RPSA2: variants seen among roughly 807,000 people sequenced by gnomAD.
RPSA2 encodes small ribosomal subunit protein uS2B.
the RPSA2 span, among the ~76,000 whole-genome samples, chr19:23,858,416 A>G: frequency 2.6e-5 from 4 of 151,944 alleles, no homozygotes; most frequent in Non-Finnish European, 4.4e-5. Context: ...TAAATTGAAA[A>G]GAACAACTAG....
At chr19:23,829,869 T>G in the RPSA2 span, among the ~76,000 whole-genome samples, 1 of 152,204 alleles carries the variant, frequency 6.6e-6, no homozygotes, top group Non-Finnish European at 1.5e-5. Flanking sequence ...ACTAGGATAA[T>G]GCTAATAAAT....
chr19:23,838,574 C>T, the RPSA2 span, among the ~76,000 whole-genome samples: 1 of 151,952 alleles, frequency 6.6e-6, no homozygotes, highest in East Asian at 1.9e-4. Context: ...TTTAAATTAC[C>T]ATTTTAATCT....
At chr19:23,779,980 C>T in the RPSA2 span, among the ~76,000 whole-genome samples, 2 of 152,284 alleles carry the variant, frequency 1.3e-5, no homozygotes, top group African/African-American at 2.4e-5. Context: ...ATCCAGGTGA[C>T]GTCGCTCTCC....
the RPSA2 span, among the ~76,000 whole-genome samples, chr19:23,787,668 G>A: frequency 6.6e-6 from 1 of 152,082 alleles, no homozygotes; most frequent in Non-Finnish European, 1.5e-5. Flanking sequence ...AATCCCAAAG[G>A]TGATGTGACT....
At chr19:23,829,038 T>G in the RPSA2 span, among the ~76,000 whole-genome samples, 4 of 152,140 alleles carry the variant, frequency 2.6e-5, no homozygotes, top group Admixed American at 2.6e-4. Flanking sequence ...CTTTGGAGTT[T>G]CAATTTCAAG....
chr19:23,804,294 C>CCT, the RPSA2 span, among the ~76,000 whole-genome samples: 4 of 142,508 alleles, frequency 2.8e-5, no homozygotes, highest in African/African-American at 1.0e-4. Flanking sequence ...CCTCATTTTT[C>CCT]TTTTTCTTTT....
At chr19:23,758,754 A>G in the RPSA2 span, 1 of 1,614,120 alleles carries the variant, frequency 6.2e-7, no homozygotes, top group South Asian at 1.1e-5. Flanking sequence ...CACCATTTCT[A>G]GGTTTCCGGG....
chr19:23,802,458 C>T, the RPSA2 span, among the ~76,000 whole-genome samples: 1 of 152,216 alleles, frequency 6.6e-6, no homozygotes, highest in South Asian at 2.1e-4. Flanking sequence ...CCCAGGGTCA[C>T]TGGAAATGCT....
chr19:23,794,562 G>A, the RPSA2 span, among the ~76,000 whole-genome samples: 2 of 152,032 alleles, frequency 1.3e-5, no homozygotes. Context: ...ACTTGTTTAA[G>A]TTTGTTATAG....
chr19:23,827,678 T>G, the RPSA2 span: 1 of 1,595,468 alleles, frequency 6.3e-7, no homozygotes, highest in Non-Finnish European at 8.5e-7. Context: ...CTCAGTGGGT[T>G]TGATGTGGTG....
the RPSA2 span, among the ~76,000 whole-genome samples, chr19:23,860,271 A>G: frequency 1.3e-5 from 2 of 152,244 alleles, no homozygotes; most frequent in African/African-American, 4.8e-5. Context: ...CTCCCAAACT[A>G]TATTCTTTTC....
At chr19:23,796,526 A>C in the RPSA2 span, among the ~76,000 whole-genome samples, 1 of 151,938 alleles carries the variant, frequency 6.6e-6, no homozygotes, top group African/African-American at 2.4e-5. Flanking sequence ...AAATAGTTTC[A>C]GTAGAAATAA....
chr19:23,869,025 C>T, the RPSA2 span, among the ~76,000 whole-genome samples: 1 of 152,136 alleles, frequency 6.6e-6, no homozygotes, highest in African/African-American at 2.4e-5. Context: ...ATGTTCTTGG[C>T]CATGTTAGCT....
At chr19:23,828,125 A>AAAAAAG in the RPSA2 span, 9 of 571,632 alleles carry the variant, frequency 1.6e-5, no homozygotes, top group Admixed American at 4.0e-5. Context: ...TAAAAAAAAA[A>AAAAAAG]AAAAAAAAAA....
the RPSA2 span, among the ~76,000 whole-genome samples, chr19:23,845,070 G>A: frequency 0.14 from 6,512 of 47,766 alleles, 270 homozygotes; most frequent in South Asian, 0.19. Flanking sequence ...TATAATCATT[G>A]CTAGTGATTT....
chr19:23,846,535 TC>T, the RPSA2 span, among the ~76,000 whole-genome samples: 9 of 152,338 alleles, frequency 5.9e-5, no homozygotes, highest in East Asian at 1.7e-3. Flanking sequence ...CCCTGGAACA[TC>T]TTTTGTAGGC....
At chr19:23,868,452 C>T in the RPSA2 span, among the ~76,000 whole-genome samples, 1 of 152,116 alleles carries the variant, frequency 6.6e-6, no homozygotes, top group Non-Finnish European at 1.5e-5. Flanking sequence ...ACCCATAAAA[C>T]AGGAATTCCT....
At chr19:23,845,411 A>C in the RPSA2 span, among the ~76,000 whole-genome samples, 2 of 151,584 alleles carry the variant, frequency 1.3e-5, no homozygotes, top group African/African-American at 4.8e-5. Flanking sequence ...CTGCCCTCTT[A>C]GTACTATATT....
At chr19:23,810,629 A>G in the RPSA2 span, among the ~76,000 whole-genome samples, 148,799 of 152,116 alleles carry the variant, frequency 0.98, 72,869 homozygotes, top group Middle Eastern at 1. Context: ...GGGTTTCTAC[A>G]TAGGCAGAAC....
Sources: gnomAD v4.1 joint callset for allele counts (sites outside exome capture counted in the v4.1 genomes callset) on GRCh38, gnomAD v4.1.1 for gene constraint, MANE v1.5 for transcripts, NCBI Gene and HGNC (gene_info 2026-07-23, HGNC 2026-07-21) for gene names.